NEK4: variants seen among roughly 807,000 people sequenced by gnomAD.
NEK4 encodes NIMA related kinase 4.
In NEK4, 86 loss-of-function variants were observed where a neutral mutation model predicts 98.4. The ratio of observed to expected loss-of-function variants is 0.87; its 90% CI spans 0.73 to 1.05. The LOEUF (loss-of-function observed/expected upper bound fraction) is 1.05, where lower values mean the gene tolerates loss of function less well. Among genes scored for constraint, NEK4 ranks in the 50% least tolerant of loss-of-function variants. The pLI is 0.00. For synonymous variants in NEK4, 328 were observed against 342.2 expected (o/e 0.96, Z 0.46); for missense variants, 898 against 950.3 (o/e 0.94, Z 0.72).
intron 7 of NEK4, among the ~76,000 whole-genome samples, chr3:52,751,564 T>C (rs1398252245): frequency 6.6e-6 from 1 of 150,934 alleles, no homozygotes; most frequent in African/African-American, 2.4e-5. Flanking sequence ...GAGGTTGCAG[T>C]GAGCCGAGAT....
chr3:52,770,781 G>A lies in NEK4; in HGVS notation c.-35C>T. On this transcript the variant is annotated 5_prime_UTR_variant, in exon 1 of 16. Transcript: ENST00000233027. ...GCTGGCCCAGAGTCGGGATGCGGCG[G>A]CAGCGGCGGGTAGGGCAGCGGGCGG... The A allele has an allele frequency of 6.5e-7, 1 of 1,530,496 alleles. No individual in the cohort carries two copies. The highest frequency in any genetic ancestry group is 8.8e-7 in the Non-Finnish European group (1 of 1,133,216). The allele number at this position is 1,530,496 out of a possible 1,614,324, so 94.8% of individuals were successfully genotyped here.
intron 6 of NEK4, among the ~76,000 whole-genome samples, chr3:52,759,080 G>C (rs1171850038): frequency 7.1e-6 from 1 of 141,796 alleles, no homozygotes; most frequent in Non-Finnish European, 1.5e-5. Flanking sequence ...AACAGAGCAA[G>C]ATCCTCTCTT....
In NEK4 at chr3:52,770,664, T is replaced by C. The variant is rs1310313508; in HGVS notation, c.83A>G (p.Asp28Gly). 1 of 1,554,808 alleles carries C rather than the reference T, an allele frequency of 6.4e-7. No individual in the cohort carries two copies. The highest frequency in any genetic ancestry group is 8.7e-7 in the Non-Finnish European group (1 of 1,149,248). Reference sequence around the variant, plus strand: ...CCCACCCCTGCAGACCTGCTTGCCGTCCCGCCGGTGCTTCACAAGCGTCAC... The same window carrying C: ...CCCACCCCTGCAGACCTGCTTGCCGCCCCGCCGGTGCTTCACAAGCGTCAC... ...GEVTLVKHRR[D>G]GKQYVIKKLN... is the part of the protein sequence containing the mutation. The change falls in exon 1 of 16, where the codon GAC becomes GGC. Residue 28 changes from aspartate (D) to glycine (G), a missense_variant. Transcript: ENST00000233027.
chr3:52,718,092 C>T (rs1203326616), intron 15 of NEK4, among the ~76,000 whole-genome samples: 1 of 152,102 alleles, frequency 6.6e-6, no homozygotes, highest in Non-Finnish European at 1.5e-5. Flanking sequence ...CTGCACCTGG[C>T]CTCAATTATT....
Position 52,741,436 on chromosome 3 carries a change from T to C in NEK4, c.2068A>G (p.Lys690Glu). 1.2e-6 allele frequency: 2 copies of C among 1,606,900 alleles called. No homozygotes were observed. The highest frequency in any genetic ancestry group is 1.7e-6 in the Non-Finnish European group (2 of 1,173,552). The change falls in exon 13 of 16, where the codon AAG (lysine) becomes GAG (glutamate). Residue 690 changes from lysine to glutamate, a missense_variant. By Grantham distance (56) the Lys-to-Glu change is moderately conservative. Transcript: ENST00000233027. ...CCTTCCCCGTAATCCCCATCTGACT[T>C]ATCAGTTGAACTTGTAGAAGAACTT... ...ELSSSTSSTDKSDGDYGEGKG... is the reference protein window; with the variant it reads ...ELSSSTSSTDESDGDYGEGKG...
intron 4 of NEK4, among the ~76,000 whole-genome samples, chr3:52,764,488 G>T (rs1352833762): frequency 6.6e-6 from 1 of 151,480 alleles, no homozygotes; most frequent in Non-Finnish European, 1.5e-5. Context: ...AAAAGTGGAC[G>T]GGCGTGGTGG....
chr3:52,724,923 A>T (rs1225480857), intron 15 of NEK4, among the ~76,000 whole-genome samples: 1 of 152,236 alleles, frequency 6.6e-6, no homozygotes, highest in Non-Finnish European at 1.5e-5. Flanking sequence ...ATTGTACTCT[A>T]TAAATATGTA....
chr3:52,746,704 C>T (rs768210440), intron 9 of NEK4, 30 bp downstream of exon 9: 19 of 1,562,862 alleles, frequency 1.2e-5, no homozygotes, highest in Middle Eastern at 3.7e-4. Flanking sequence ...TCCCAAAGTC[C>T]ACCTCCCAAA....
At chr3:52,760,652 G>T in intron 6 of NEK4, 143 bp downstream of exon 6, 1 of 693,754 alleles carries the variant, frequency 1.4e-6, no homozygotes. Flanking sequence ...ACCTTAACCA[G>T]TATTCTTTCT....
chr3:52,734,339 G>C (rs2097372902), intron 15 of NEK4, among the ~76,000 whole-genome samples: 1 of 151,318 alleles, frequency 6.6e-6, no homozygotes, highest in Admixed American at 6.6e-5. Flanking sequence ...AATCCCAGCT[G>C]CTCGGGAGGC....
At chr3:52,716,950 G>A (rs1013576092) in intron 15 of NEK4, among the ~76,000 whole-genome samples, 9 of 152,166 alleles carry the variant, frequency 5.9e-5, no homozygotes, top group African/African-American at 1.7e-4. Flanking sequence ...CCAGTTCAAC[G>A]GTTATCTTCT....
intron 15 of NEK4, among the ~76,000 whole-genome samples, chr3:52,717,912 G>T (rs990582935): frequency 2.0e-5 from 3 of 151,834 alleles, no homozygotes; most frequent in Non-Finnish European, 2.9e-5. Context: ...TCATGCCTCA[G>T]CCTCCCGAGT....
At chr3:52,732,732 C>T (rs967863343) in intron 15 of NEK4, 3 of 287,456 alleles carry the variant, frequency 1.0e-5, no homozygotes, top group African/African-American at 4.6e-5. Context: ...GTCTTCCTGA[C>T]CTGAGCATTA....
At position 52,765,363 on chromosome 3, in the gene NEK4, A is replaced by C. The variant is rs187944668; in HGVS notation, c.666+524T>G. ...CAAAACTCCATCTCAAAAAAAAAAAAACAAAAAAAAAAACCTTAATGATAC... is the reference window on the plus strand; with the variant it reads ...CAAAACTCCATCTCAAAAAAAAAAACACAAAAAAAAAAACCTTAATGATAC... On this transcript the variant is annotated intron_variant, in intron 4 of 15. Transcript: ENST00000233027. Among the ~76,000 whole-genome samples, 11 of 151,962 alleles carry C rather than the reference A, an allele frequency of 7.2e-5. No homozygotes were observed. In the East Asian group the frequency reaches 1.2e-3, roughly 16 times the overall value.
At chr3:52,760,241 GTGTCTCATTC>G (rs1698306923) in intron 6 of NEK4, among the ~76,000 whole-genome samples, 1 of 151,902 alleles carries the variant, frequency 6.6e-6, no homozygotes, top group African/African-American at 2.4e-5. Flanking sequence ...TTTTGAGACA[GTGTCTCATTC>G]TGTCACCCAG....
chr3:52,750,379 C>T (rs1377249990), intron 7 of NEK4, among the ~76,000 whole-genome samples: 1 of 152,046 alleles, frequency 6.6e-6, no homozygotes. Flanking sequence ...GAAACCCCAT[C>T]TCTACTAAAA....
At chr3:52,732,687 G>A in intron 15 of NEK4, 1 of 312,458 alleles carries the variant, frequency 3.2e-6, no homozygotes, top group African/African-American at 2.3e-5. Context: ...AAGTGATGTA[G>A]GAGAACTACA....
In NEK4 at chr3:52,720,049, G is replaced by A. The variant is rs183225849; in HGVS notation, c.2434-8180C>T. On this transcript the variant is annotated intron_variant, in intron 15 of 15. Coordinates refer to ENST00000233027, the MANE Select transcript of NEK4 (RefSeq NM_003157.6). Reference sequence around the variant, plus strand: ...TGTAATCCCAGCACTTTGGGAGGCCGAGGTGGGCGAATCACTTGAGGTCAG... The same window carrying A: ...TGTAATCCCAGCACTTTGGGAGGCCAAGGTGGGCGAATCACTTGAGGTCAG... Among the ~76,000 whole-genome samples, 826 of 152,280 alleles carry A rather than the reference G, an allele frequency of 5.4e-3. 13 individuals carry two copies. The South Asian group carries it at 0.065, about 12-fold the overall frequency.
intron 15 of NEK4, among the ~76,000 whole-genome samples, chr3:52,717,406 CAA>C (rs34559317): frequency 2.9e-4 from 24 of 83,614 alleles, no homozygotes; most frequent in Admixed American, 5.6e-4. Context: ...GACTCCATCT[CAA>C]AAAAAAAAAA....
Sources: allele counts gnomAD v4.1 joint callset (sites outside exome capture counted in the v4.1 genomes callset), GRCh38; gene constraint gnomAD v4.1.1; transcripts MANE v1.5; gene names NCBI Gene and HGNC (gene_info 2026-07-23, HGNC 2026-07-21).